Variants in KIAA1549L observed in about 807,000 individuals in gnomAD.
KIAA1549L encodes the protein KIAA1549 like, also known as UPF0606 protein KIAA1549L.
KIAA1549L carries 88 observed loss-of-function variants against 160.7 expected under a neutral mutation model. The ratio of observed to expected loss-of-function variants is 0.55; its 90% confidence interval spans 0.46 to 0.65. The LOEUF (loss-of-function observed/expected upper bound fraction) is 0.65, where lower values mean the gene tolerates loss of function less well. Among genes scored for constraint, KIAA1549L ranks in the 30% least tolerant of loss-of-function variants. KIAA1549L has a pLI of 0.00. For synonymous variants in KIAA1549L, 950 were observed against 976.7 expected (o/e 0.97, Z 0.51); for missense variants, 2,258 against 2,437.5 (o/e 0.93, Z 1.55).
intron 6 of KIAA1549L, 147 bp downstream of exon 6, chr11:33,552,388 T>C: frequency 1.1e-6 from 1 of 881,350 alleles, no homozygotes; most frequent in Non-Finnish European, 1.7e-6. Flanking sequence ...GTCTGGGGTA[T>C]GGCCATGACA....
intron 1 of KIAA1549L, among the ~76,000 whole-genome samples, chr11:33,523,813 A>G (rs922111423): frequency 6.6e-6 from 1 of 152,248 alleles, no homozygotes; most frequent in African/African-American, 2.4e-5. Flanking sequence ...ATGTACACAC[A>G]TAATTTTTAT....
At chr11:33,609,716 C>A in intron 14 of KIAA1549L, 33 bp from the exon 15 acceptor site, 1 of 1,547,156 alleles carries the variant, frequency 6.5e-7, no homozygotes, top group South Asian at 1.2e-5. Context: ...CCCACTGGGT[C>A]AGGTTTGGGC....
intron 1 of KIAA1549L, among the ~76,000 whole-genome samples, chr11:33,475,157 C>T (rs1361248434): frequency 3.3e-5 from 5 of 152,176 alleles, no homozygotes; most frequent in Admixed American, 6.5e-5. Context: ...GCCCCTAACA[C>T]CCAATTCCTC....
Position 33,530,431 on chromosome 11 carries a change from AAAAAAATATATATATAT to A in KIAA1549L, c.239-11369_239-11353del, listed in dbSNP as rs1279753938. On this transcript the variant is annotated intron_variant, in intron 1 of 20. Transcript: ENST00000658780. ...AGAAGAAGGAAAAAAAAAAAAAAAA[AAAAAAATATATATATAT>A]ATATATATATATATATATATATATA... Among the ~76,000 whole-genome samples, 91 of 12,872 alleles carry A rather than the reference AAAAAAATATATATATAT, an allele frequency of 7.1e-3. 2 individuals carry two copies. The highest frequency in any genetic ancestry group is 0.018 in the South Asian group (8 of 446). The allele number at this position is 12,872 out of a possible 152,430, so 8.4% of individuals were successfully genotyped here.
intron 1 of KIAA1549L, among the ~76,000 whole-genome samples, chr11:33,539,274 C>A (rs1029747540): frequency 6.6e-6 from 1 of 152,090 alleles, no homozygotes; most frequent in Non-Finnish European, 1.5e-5. Context: ...TTAAACCATC[C>A]AATATCCTAT....
chr11:33,482,139 T>C (rs936545394), intron 1 of KIAA1549L, among the ~76,000 whole-genome samples: 1 of 152,232 alleles, frequency 6.6e-6, no homozygotes, highest in South Asian at 2.1e-4. Flanking sequence ...TTTTTTTCTT[T>C]GTGCTGTCTG....
intron 1 of KIAA1549L, among the ~76,000 whole-genome samples, chr11:33,468,867 G>A (rs1852116346): frequency 6.6e-6 from 1 of 151,952 alleles, no homozygotes; most frequent in Non-Finnish European, 1.5e-5. Flanking sequence ...TTTTTTTTAT[G>A]TTATAGAAAC....
At chr11:33,512,566 G>A (rs1276418637) in intron 1 of KIAA1549L, among the ~76,000 whole-genome samples, 1 of 152,048 alleles carries the variant, frequency 6.6e-6, no homozygotes, top group Non-Finnish European at 1.5e-5. Flanking sequence ...GGGACTACAG[G>A]TACCTGCTAC....
At chr11:33,490,213 G>C (rs1754461523) in intron 1 of KIAA1549L, among the ~76,000 whole-genome samples, 1 of 152,140 alleles carries the variant, frequency 6.6e-6, no homozygotes, top group African/African-American at 2.4e-5. Flanking sequence ...TGAGTTATTG[G>C]GCAGTTGAGA....
intron 1 of KIAA1549L, among the ~76,000 whole-genome samples, chr11:33,409,766 CTTTTTT>C (rs34301559): frequency 7.6e-6 from 1 of 132,172 alleles, no homozygotes; most frequent in Non-Finnish European, 1.6e-5. Context: ...GTTCTCACCT[CTTTTTT>C]TTTTTTTTTT....
At chr11:33,408,596 G>GT (rs566460718) in intron 1 of KIAA1549L, among the ~76,000 whole-genome samples, 13 of 150,882 alleles carry the variant, frequency 8.6e-5, no homozygotes, top group African/African-American at 3.2e-4. Flanking sequence ...ATGTGAGCAA[G>GT]TTTTTTTGGC....
chr11:33,633,638 C>T (rs770158831), intron 16 of KIAA1549L, among the ~76,000 whole-genome samples: 1 of 152,128 alleles, frequency 6.6e-6, no homozygotes, highest in Non-Finnish European at 1.5e-5. Context: ...AAGCAAAACG[C>T]GAATTAGCTT....
chr11:33,497,857 C>G (rs1440595239), intron 1 of KIAA1549L, among the ~76,000 whole-genome samples: 2 of 152,214 alleles, frequency 1.3e-5, no homozygotes, highest in East Asian at 3.8e-4. Flanking sequence ...AGCTCTTGCA[C>G]TACATGCCAG....
intron 1 of KIAA1549L, among the ~76,000 whole-genome samples, chr11:33,422,523 C>CCTTCCCCCT (rs1179979773): frequency 8.5e-6 from 1 of 118,060 alleles, no homozygotes; most frequent in African/African-American, 3.2e-5. Flanking sequence ...CCCTCCCCTC[C>CCTTCCCCCT]CTTCCCCCTT....
chr11:33,444,020 C>T (rs1233473031), intron 1 of KIAA1549L, among the ~76,000 whole-genome samples: 7 of 152,100 alleles, frequency 4.6e-5, no homozygotes, highest in Non-Finnish European at 8.8e-5. Context: ...AGTTTTGTAC[C>T]CATAGGGTTT....
At chr11:33,416,312 A>G (rs1373393971) in intron 1 of KIAA1549L, among the ~76,000 whole-genome samples, 5 of 152,162 alleles carry the variant, frequency 3.3e-5, no homozygotes, top group Admixed American at 3.3e-4. Flanking sequence ...ATTTTTAATT[A>G]TTACACTGTT....
At chr11:33,439,159 G>T (rs1199529406) in intron 1 of KIAA1549L, among the ~76,000 whole-genome samples, 1 of 152,132 alleles carries the variant, frequency 6.6e-6, no homozygotes, top group Non-Finnish European at 1.5e-5. Context: ...TGATCCACCT[G>T]CCTTGGCCTC....
chr11:33,535,506 T>C (rs1236155197), intron 1 of KIAA1549L, among the ~76,000 whole-genome samples: 1 of 151,764 alleles, frequency 6.6e-6, no homozygotes, highest in Non-Finnish European at 1.5e-5. Context: ...AACCCGTCTG[T>C]ACAAAAAATA....
intron 1 of KIAA1549L, among the ~76,000 whole-genome samples, chr11:33,525,222 AAGAC>A (rs1476535943): frequency 3.3e-5 from 5 of 152,196 alleles, no homozygotes; most frequent in African/African-American, 1.2e-4. Context: ...CAGACTCTGT[AAGAC>A]AGCCCAAAAA....
Sources: gnomAD v4.1 joint callset for allele counts (sites outside exome capture counted in the v4.1 genomes callset) on GRCh38, gnomAD v4.1.1 for gene constraint, MANE v1.5 for transcripts, NCBI Gene and HGNC (gene_info 2026-07-23, HGNC 2026-07-21) for gene names.